The following ULK4 variants were observed in gnomAD, a reference collection of about 807,000 sequenced individuals.
ULK4 encodes unc-51 like kinase 4, also known as inactive serine/threonine-protein kinase ULK4.
ULK4 carries 133 observed loss-of-function variants against 160.6 expected under a neutral mutation model. The ratio of observed to expected loss-of-function variants is 0.83; its 90% CI spans 0.72 to 0.96. The LOEUF (loss-of-function observed/expected upper bound fraction) is 0.96, where lower values mean the gene tolerates loss of function less well. Among genes scored for constraint, ULK4 ranks in the 40% least tolerant of loss-of-function variants. The probability of loss-of-function intolerance (pLI) is 0.00; values close to 1 mark genes in which losing one functional copy is unlikely to be tolerated. For synonymous variants in ULK4, 534 were observed against 539.8 expected (o/e 0.99, Z 0.15); for missense variants, 1,580 against 1,499.5 (o/e 1.05, Z -0.89).
At chr3:41,346,056 G>A (rs6764733) in intron 35 of ULK4, among the ~76,000 whole-genome samples, 2,910 of 152,088 alleles carry the variant, frequency 0.019, 94 homozygotes, top group African/African-American at 0.066. Flanking sequence ...GACAGGATGC[G>A]TGAGAGGCAA....
chr3:41,247,072 C>A, intron 36 of ULK4, 80 bp from the exon 37 acceptor site: 1 of 1,378,138 alleles, frequency 7.3e-7, no homozygotes, highest in South Asian at 1.2e-5. Context: ...GGGCCAGCCT[C>A]TTTTGCACCC....
intron 1 of ULK4, among the ~76,000 whole-genome samples, chr3:41,957,448 C>A (rs902639071): frequency 0.012 from 1,157 of 96,960 alleles, 4 homozygotes; most frequent in African/African-American, 0.018. Flanking sequence ...GAGCACCACT[C>A]AAAAAAAAAA....
intron 32 of ULK4, among the ~76,000 whole-genome samples, chr3:41,549,573 T>C (rs984266520): frequency 5.3e-5 from 8 of 152,078 alleles, no homozygotes; most frequent in South Asian, 2.1e-4. Flanking sequence ...TATTCAAATT[T>C]TGGGTGTTCT....
rs562627219 is a variant in ULK4 at position 41,935,509 on chromosome 3, G to A, written c.378+292C>T. ...CTCCCAATGTGATGGGATTATAGGC[G>A]TGAGCCACCGCGCCTAGCCTTTTAT... On this transcript the variant is annotated intron_variant, in intron 4 of 36. Transcript: ENST00000301831. 2.0e-5 allele frequency among the ~76,000 whole-genome samples: 3 copies of A among 150,484 alleles called. No individual in the cohort carries two copies. In the South Asian group the frequency reaches 6.3e-4, roughly 32 times the overall value.
At chr3:41,681,031 C>T (rs937202531) in intron 29 of ULK4, among the ~76,000 whole-genome samples, 4 of 152,160 alleles carry the variant, frequency 2.6e-5, no homozygotes, top group Non-Finnish European at 5.9e-5. Flanking sequence ...TCTCCATACT[C>T]ATTACCTGTT....
chr3:41,898,409 C>A, intron 14 of ULK4, 23 bp downstream of exon 14: 2 of 1,480,752 alleles, frequency 1.4e-6, no homozygotes, highest in South Asian at 1.2e-5. Context: ...TCTACATGTT[C>A]GATAAGTCCT....
At chr3:41,790,053 C>T (rs2040103393) in intron 20 of ULK4, among the ~76,000 whole-genome samples, 1 of 152,146 alleles carries the variant, frequency 6.6e-6, no homozygotes, top group African/African-American at 2.4e-5. Context: ...TTTTAAAACA[C>T]TAGAGACTAT....
chr3:41,902,346 G>A (rs565222670), intron 12 of ULK4, among the ~76,000 whole-genome samples: 10 of 152,176 alleles, frequency 6.6e-5, no homozygotes, highest in Admixed American at 4.6e-4. Context: ...TTGGTAGGCC[G>A]AGGTGGGCAC....
chr3:41,300,837 T>TTACATATATATATATATATA (rs1553640530), intron 35 of ULK4, among the ~76,000 whole-genome samples: 2 of 57,868 alleles, frequency 3.5e-5, no homozygotes, highest in African/African-American at 9.1e-5. Flanking sequence ...ATTTTACAGA[T>TTACATATATATATATATATA]TATATATATA....
chr3:41,675,160 A>C (rs1575557213), intron 29 of ULK4, among the ~76,000 whole-genome samples: 1 of 152,090 alleles, frequency 6.6e-6, no homozygotes, highest in East Asian at 1.9e-4. Flanking sequence ...GAATCGCCTG[A>C]ACCCAGGAAA....
At chr3:41,662,505 C>A (rs1303780120) in intron 30 of ULK4, among the ~76,000 whole-genome samples, 1 of 152,128 alleles carries the variant, frequency 6.6e-6, no homozygotes, top group Non-Finnish European at 1.5e-5. Context: ...GATATGAGTA[C>A]TTTTTAAAAA....
chr3:41,333,943 T>A (rs1252183477), intron 35 of ULK4, among the ~76,000 whole-genome samples: 1 of 152,146 alleles, frequency 6.6e-6, no homozygotes, highest in African/African-American at 2.4e-5. Flanking sequence ...TAATAAAGCT[T>A]CCAGACTTGG....
chr3:41,594,737 T>C lies in ULK4; in HGVS notation c.3120+20932A>G, dbSNP rs1575463101. Among the ~76,000 whole-genome samples the C allele has an allele frequency of 2.0e-5, 3 of 152,114 alleles. No homozygotes were observed. In the East Asian group the frequency reaches 5.8e-4, roughly 29 times the overall value. On this transcript the variant is annotated intron_variant, in intron 31 of 36. Transcript: ENST00000301831. ...GCTGAAGAGGAATATATAATTTCCA[T>C]TTGTAAGAAAATCAAATCTAGCAAA...
intron 34 of ULK4, among the ~76,000 whole-genome samples, chr3:41,442,501 G>T (rs968883352): frequency 5.3e-5 from 8 of 152,126 alleles, no homozygotes; most frequent in African/African-American, 1.9e-4. Flanking sequence ...CCACAAAAAT[G>T]ACCATGCAAA....
At chr3:41,415,528 C>T (rs4973946) in intron 34 of ULK4, among the ~76,000 whole-genome samples, 72,700 of 151,926 alleles carry the variant, frequency 0.48, 18,189 homozygotes, top group African/African-American at 0.62. Flanking sequence ...AGCACGGTGC[C>T]GCTCAGGGTA....
intron 19 of ULK4, among the ~76,000 whole-genome samples, chr3:41,805,798 G>A (rs1297008904): frequency 1.3e-4 from 19 of 147,124 alleles, no homozygotes; most frequent in East Asian, 2.0e-4. Context: ...ATTGATTTGC[G>A]TATATTGAAC....
At position 41,896,972 on chromosome 3, in the gene ULK4, A is replaced by G. The variant is rs1232760416; in HGVS notation, c.1380T>C (p.Asp460=). ...VDKLLFLKDQ[D]WNDFLQQVCS... is the part of the protein sequence containing the mutation. ...ACACTTGTTGCAAAAAGTCATTCCA[A>G]TCTTGATCTTTCAGAAATAATAACT... The change falls in exon 15 of 37, where the codon GAT becomes GAC. Residue 460 remains aspartate, a synonymous_variant. Transcript: ENST00000301831. 6.2e-7 allele frequency: 1 copy of G among 1,612,828 alleles called. No individual in the cohort carries two copies. The highest frequency in any genetic ancestry group is 8.5e-7 in the Non-Finnish European group (1 of 1,179,738).
At chr3:41,935,193 T>TTTTATTTATTTATTTA (rs1293341758) in intron 4 of ULK4, among the ~76,000 whole-genome samples, 36 of 23,632 alleles carry the variant, frequency 1.5e-3, no homozygotes, top group Middle Eastern at 0.02. Flanking sequence ...TTTTTTGTGT[T>TTTTATTTATTTATTTA]TTTATTTATT....
chr3:41,445,295 T>C (rs929363884), intron 34 of ULK4, among the ~76,000 whole-genome samples: 2 of 152,194 alleles, frequency 1.3e-5, no homozygotes, highest in African/African-American at 2.4e-5. Context: ...ATGGCCATAC[T>C]GCCCAAGGTA....
Sources: gnomAD v4.1 joint callset for allele counts (sites outside exome capture counted in the v4.1 genomes callset) on GRCh38, gnomAD v4.1.1 for gene constraint, MANE v1.5 for transcripts, NCBI Gene and HGNC (gene_info 2026-07-23, HGNC 2026-07-21) for gene names.